HSDL1: variants seen among roughly 807,000 people sequenced by gnomAD.
HSDL1 encodes hydroxysteroid dehydrogenase like 1.
HSDL1 carries 29 observed loss-of-function variants against 31.5 expected under a neutral mutation model. The observed-to-expected ratio is 0.92, with a 90% confidence interval of 0.69 to 1.26. The LOEUF (loss-of-function observed/expected upper bound fraction) is 1.26, where lower values mean the gene tolerates loss of function less well. Ranked by LOEUF, HSDL1 falls within the 50% of genes most tolerant of loss-of-function variation. The pLI, the probability that HSDL1 is intolerant of heterozygous loss-of-function variation, is 0.00. For missense variants in HSDL1, 503 were observed against 416.6 expected (o/e 1.21, Z -1.81); for synonymous variants, 222 against 155.2 (o/e 1.43, Z -3.20).
Position 84,130,315 on chromosome 16 carries a change from C to T in HSDL1, c.337G>A (p.Asp113Asn), listed in dbSNP as rs765766966. ...ATATCAGTTTCCACTTTGTACGTGT[C>T]GGCTATGTCTTTAGCAACAACCTGC... Reference protein sequence around the residue: ...KLQVVAKDIADTYKVETDIIV... With the variant: ...KLQVVAKDIANTYKVETDIIV... Residue 113 changes from aspartate (D) to asparagine (N), a missense_variant, in exon 4 of 6, where the codon GAC (aspartate) becomes AAC (asparagine). Transcript: ENST00000219439. 1.2e-6 allele frequency: 2 copies of T among 1,614,182 alleles called. No homozygotes were observed. Among genetic ancestry groups the T allele is most frequent in the South Asian group, 1.1e-5 (1 of 91,070 alleles).
intron 1 of HSDL1, among the ~76,000 whole-genome samples, chr16:84,141,784 G>A (rs185517748): frequency 2.9e-4 from 44 of 152,190 alleles, no homozygotes; most frequent in Non-Finnish European, 5.0e-4. Flanking sequence ...TGTGCTTTCT[G>A]TGTTTTGTAA....
chr16:84,125,399 C>A (rs2086596218), intron 5 of HSDL1, among the ~76,000 whole-genome samples: 1 of 151,362 alleles, frequency 6.6e-6, no homozygotes, highest in Non-Finnish European at 1.5e-5. Flanking sequence ...ACAACAAATA[C>A]CCACCAATCA....
rs556253829 is a variant in HSDL1, at chr16:84,130,328, A to G, written c.324T>C (p.Ala108=). Residue 108 remains alanine (A), a synonymous_variant, in exon 4 of 6, where the codon GCT becomes GCC. Transcript: ENST00000219439. ...SRNEEKLQVV[A]KDIADTYKVE... ...CTTTGTACGTGTCGGCTATGTCTTT[A>G]GCAACAACCTGCAACTTCTCCTCGT... 3.1e-6 allele frequency: 5 copies of G among 1,614,240 alleles called. No homozygotes were observed. The African/African-American group carries it at 4.0e-5, about 13-fold the overall frequency.
chr16:84,132,375 A>T (rs570758623), intron 2 of HSDL1, among the ~76,000 whole-genome samples: 33 of 151,562 alleles, frequency 2.2e-4, no homozygotes, highest in African/African-American at 7.0e-4. Context: ...TACATCAATT[A>T]AAAAAAAAAT....
intron 1 of HSDL1, among the ~76,000 whole-genome samples, chr16:84,138,654 A>C (rs1306830385): frequency 6.6e-6 from 1 of 152,234 alleles, no homozygotes; most frequent in Non-Finnish European, 1.5e-5. Flanking sequence ...AAAATTTTTA[A>C]GCTTTGTTTT....
intron 2 of HSDL1, among the ~76,000 whole-genome samples, 170 bp downstream of exon 2, chr16:84,135,374 G>C (rs961737694): frequency 6.6e-6 from 1 of 152,186 alleles, no homozygotes; most frequent in Non-Finnish European, 1.5e-5. Flanking sequence ...CAAAAAGGAG[G>C]TCAGGCATGC....
At chr16:84,144,408 C>CT (rs2086815047) in intron 1 of HSDL1, 1 of 152,232 alleles carries the variant, frequency 6.6e-6, no homozygotes, top group Non-Finnish European at 1.5e-5. Context: ...CCGAGGGGCG[C>CT]TGCAGCGATC....
chr16:84,131,766 C>T (rs1416335108), intron 2 of HSDL1, among the ~76,000 whole-genome samples: 1 of 151,154 alleles, frequency 6.6e-6, no homozygotes, highest in Admixed American at 6.6e-5. Flanking sequence ...GCAGGCTCCG[C>T]CCCCTGGGGT....
At chr16:84,142,961 C>T (rs929162771) in intron 1 of HSDL1, among the ~76,000 whole-genome samples, 5 of 152,170 alleles carry the variant, frequency 3.3e-5, no homozygotes, top group African/African-American at 9.7e-5. Flanking sequence ...TAGGACTAAA[C>T]GCACAATGAA....
At chr16:84,129,472 A>C in intron 5 of HSDL1, 76 bp downstream of exon 5, 2 of 1,043,612 alleles carry the variant, frequency 1.9e-6, no homozygotes, top group East Asian at 4.8e-5. Context: ...CTTAGGCTTT[A>C]ATCAGATTTC....
At chr16:84,130,584 G>C (rs1223816369) in intron 3 of HSDL1, among the ~76,000 whole-genome samples, 153 bp from the exon 4 acceptor site, 4 of 152,210 alleles carry the variant, frequency 2.6e-5, no homozygotes, top group Admixed American at 1.3e-4. Flanking sequence ...CACTGTTGCT[G>C]AATGAGGAAT....
At chr16:84,140,090 T>C (rs1364569892) in intron 1 of HSDL1, among the ~76,000 whole-genome samples, 1 of 152,084 alleles carries the variant, frequency 6.6e-6, no homozygotes, top group African/African-American at 2.4e-5. Flanking sequence ...GCCGTGGCAC[T>C]GCCCCCACCT....
At chr16:84,137,318 G>C (rs1051425537) in intron 1 of HSDL1, among the ~76,000 whole-genome samples, 1 of 152,220 alleles carries the variant, frequency 6.6e-6, no homozygotes, top group African/African-American at 2.4e-5. Flanking sequence ...GGAAACATTA[G>C]GAAGTCCCCC....
At chr16:84,128,223 AG>A in intron 5 of HSDL1, among the ~76,000 whole-genome samples, 1 of 151,594 alleles carries the variant, frequency 6.6e-6, no homozygotes, top group East Asian at 2.0e-4. Context: ...CGAGAGGTGG[AG>A]GTTGCAGTGA....
At chr16:84,138,592 T>G (rs753448462) in intron 1 of HSDL1, among the ~76,000 whole-genome samples, 9 of 152,246 alleles carry the variant, frequency 5.9e-5, no homozygotes, top group Non-Finnish European at 1.0e-4. Context: ...TTATATAATT[T>G]TATTTGTCAA....
rs763826903 is a variant in HSDL1 at position 84,130,242 on chromosome 16, C to T, written c.410G>A (p.Arg137Gln). Residue 137 changes from arginine to glutamine, a missense_variant, in exon 4 of 6, where the codon CGA becomes CAA. Transcript: ENST00000219439. ...SSGREIYLPI[R>Q]EALKDKDVGI... ...AACGTCTTTGTCCTTCAGGGCTTCT[C>T]GAATTGGAAGGTAGATCTCACGACC... The T allele has an allele frequency of 6.8e-6, 11 of 1,614,082 alleles. No homozygotes were observed. Among genetic ancestry groups the T allele is most frequent in the Non-Finnish European group, 9.3e-6 (11 of 1,180,054 alleles).
rs1019859842 is a variant in HSDL1, at chr16:84,130,607, T to C, written c.221-176A>G. Among the ~76,000 whole-genome samples the C allele has an allele frequency of 3.3e-5, 5 of 152,334 alleles. No homozygotes were observed. The East Asian group carries it at 9.6e-4, about 29-fold the overall frequency. On this transcript the variant is annotated intron_variant, in intron 3 of 5. Transcript: ENST00000219439. ...CTGAATGAGGAATGTGAAGGGCGCA[T>C]GCTATACACTCTCCCAGACATCCTG...
chr16:84,130,516 A>G (rs2086653289), intron 3 of HSDL1, 85 bp from the exon 4 acceptor site: 5 of 1,138,520 alleles, frequency 4.4e-6, no homozygotes, highest in Non-Finnish European at 5.0e-6. Flanking sequence ...TGTCAGGTTT[A>G]GTCAGAGAAA....
At chr16:84,124,993 C>T (rs1225411046) in intron 5 of HSDL1, 8 of 256,552 alleles carry the variant, frequency 3.1e-5, no homozygotes, top group African/African-American at 1.9e-4. Flanking sequence ...ACCAATCAAA[C>T]AAATACCCAC....
Sources: allele counts gnomAD v4.1 joint callset (sites outside exome capture counted in the v4.1 genomes callset), GRCh38; gene constraint gnomAD v4.1.1; transcripts MANE v1.5; gene names NCBI Gene and HGNC (gene_info 2026-07-23, HGNC 2026-07-21).